The following DEUP1 variants were observed in gnomAD, a reference collection of about 807,000 sequenced individuals.
DEUP1 encodes coiled-coil domain containing 67.
In DEUP1, 82 loss-of-function variants were observed where a neutral mutation model predicts 87.4. The ratio of observed to expected loss-of-function variants is 0.94; its 90% CI spans 0.78 to 1.13. DEUP1 has a LOEUF of 1.13. Among genes scored for constraint, DEUP1 ranks in the 50% most tolerant of loss-of-function variants. The probability of loss-of-function intolerance (pLI) is 0.00; values close to 1 mark genes in which losing one functional copy is unlikely to be tolerated. For missense variants in DEUP1, 663 were observed against 681.5 expected (o/e 0.97, Z 0.30); for synonymous variants, 214 against 222.7 (o/e 0.96, Z 0.35).
intron 11 of DEUP1, among the ~76,000 whole-genome samples, chr11:93,400,590 G>C (rs926192410): frequency 2.6e-5 from 4 of 152,114 alleles, no homozygotes; most frequent in Admixed American, 2.6e-4. Context: ...GTCACATTCT[G>C]AGGTACCGAG....
In DEUP1 at chr11:93,356,925, A is replaced by C. The variant is rs201788305; in HGVS notation, c.202-23A>C. 1.2e-5 allele frequency: 18 copies of C among 1,521,372 alleles called. No individual in the cohort carries two copies. The African/African-American group carries it at 2.4e-4, about 20-fold the overall frequency. 94.2% of individuals were successfully genotyped at this position (1,521,372 alleles called of 1,614,324 possible). ...TCAGGCAAAATTTAGAAAAAGCAAA[A>C]TTAAATTTTATTCTTCATGCAGGTA... On this transcript the variant is annotated intron_variant, in intron 3 of 13. Coordinates refer to ENST00000298050, the MANE Select transcript of DEUP1 (RefSeq NM_181645.4).
At position 93,357,124 on chromosome 11, in the gene DEUP1, G is replaced by C. The variant is rs78396520; in HGVS notation, c.297+81G>C. The C allele has an allele frequency of 1.6e-3, 1,296 of 816,952 alleles. 11 individuals are homozygous for C. The African/African-American group carries it at 0.02, about 13-fold the overall frequency. The allele number at this position is 816,952 out of a possible 1,614,324, so 50.6% of individuals were successfully genotyped here. ...TGTAGAGTTGTGTTAACTTTAAACT[G>C]TTTTCAGTATAAACAAATGTCTTGT... On this transcript the variant is annotated intron_variant, in intron 4 of 13. Transcript: ENST00000298050.
rs774199925 is a variant in DEUP1, at chr11:93,408,230, G to C, written c.1327-1G>C. 4.3e-5 allele frequency: 67 copies of C among 1,549,444 alleles called. No individual in the cohort carries two copies. Among genetic ancestry groups the C allele is most frequent in the Non-Finnish European group, 5.4e-5 (62 of 1,146,954 alleles). ...CAATGATAGTTTATTTTATTCTCTA[G>C]AGTATGGACTTCACTAACAGGGAAC... On this transcript the variant is annotated splice_acceptor_variant, in intron 11 of 13. Transcript: ENST00000298050. LOFTEE classifies it high-confidence loss of function.
intron 2 of DEUP1, among the ~76,000 whole-genome samples, chr11:93,348,261 T>G (rs1203913824): frequency 6.6e-6 from 1 of 152,214 alleles, no homozygotes; most frequent in Non-Finnish European, 1.5e-5. Context: ...TAGCTGTTTT[T>G]TTATTCATTT....
intron 2 of DEUP1, among the ~76,000 whole-genome samples, chr11:93,336,214 G>A (rs1591071488): frequency 6.6e-6 from 1 of 152,266 alleles, no homozygotes; most frequent in East Asian, 1.9e-4. Context: ...GAGGAAGGAG[G>A]CATGTTTTAT....
rs1310118003 is a variant in DEUP1, at chr11:93,415,100, G to A, written c.1624G>A (p.Asp542Asn). The change falls in exon 13 of 14, where the codon GAT becomes AAT. Residue 542 changes from aspartate (D) to asparagine (N), a missense_variant. Physicochemically the swap from Asp to Asn is conservative, Grantham distance 23 (BLOSUM62 1). Coordinates refer to ENST00000298050, the MANE Select transcript of DEUP1 (RefSeq NM_181645.4). ...GACAAGTCCTTTGGTTAGTGATGATGATGTATTCCCACTGGTGAGTTGCTG... is the reference window on the plus strand; with the variant it reads ...GACAAGTCCTTTGGTTAGTGATGATAATGTATTCCCACTGGTGAGTTGCTG... ...EMTSPLVSDD[D>N]VFPLSPPDMS... 6 of 1,609,158 alleles carry A rather than the reference G, an allele frequency of 3.7e-6. No individual in the cohort carries two copies. The African/African-American group carries it at 6.7e-5, about 18-fold the overall frequency.
intron 12 of DEUP1, among the ~76,000 whole-genome samples, chr11:93,409,139 G>A (rs1006912689): frequency 6.6e-6 from 1 of 152,160 alleles, no homozygotes; most frequent in Non-Finnish European, 1.5e-5. Flanking sequence ...TTACAGGCGT[G>A]AGCCACCACA....
intron 7 of DEUP1, among the ~76,000 whole-genome samples, chr11:93,380,433 C>G (rs781559709): frequency 1.3e-5 from 2 of 152,000 alleles, no homozygotes; most frequent in South Asian, 2.1e-4. Context: ...CGGAGACTGG[C>G]TCTGTTGCCC....
At chr11:93,417,734 G>A (rs1028639541) in intron 13 of DEUP1, among the ~76,000 whole-genome samples, 5 of 149,646 alleles carry the variant, frequency 3.3e-5, no homozygotes, top group Non-Finnish European at 5.9e-5. Flanking sequence ...TCAATCCTAA[G>A]CCAAAAGAAC....
At chr11:93,395,376 C>T (rs1946909474) in intron 10 of DEUP1, among the ~76,000 whole-genome samples, 1 of 152,164 alleles carries the variant, frequency 6.6e-6, no homozygotes, top group South Asian at 2.1e-4. Flanking sequence ...ATGAGGGTCA[C>T]TTCACAAATA....
rs766943116 is a variant in DEUP1 at position 93,371,212 on chromosome 11, A to G, written c.721A>G (p.Arg241Gly). ...KSAVNEIALS[R>G]NKLQDENQKL... The stretch of plus-strand genomic sequence containing the variant: ...AGCTGTAAATGAGATAGCACTAAGC[A>G]GGAATAAATTACAAGATGAAAATCA... The change falls in exon 7 of 14, where the codon AGG (arginine) becomes GGG (glycine). Residue 241 changes from arginine (R) to glycine (G), a missense_variant. Arg to Gly is a moderately radical substitution (Grantham distance 125). Transcript: ENST00000298050. 6.2e-7 allele frequency: 1 copy of G among 1,613,342 alleles called. No individual in the cohort carries two copies. Among genetic ancestry groups the G allele is most frequent in the Non-Finnish European group, 8.5e-7 (1 of 1,179,566 alleles).
At chr11:93,417,449 A>G (rs535465967) in intron 13 of DEUP1, among the ~76,000 whole-genome samples, 15 of 152,244 alleles carry the variant, frequency 9.9e-5, no homozygotes, top group Non-Finnish European at 2.9e-5. Flanking sequence ...AAGATAATAA[A>G]ATACCTAGGA....
At chr11:93,413,115 T>A (rs946182455) in intron 12 of DEUP1, among the ~76,000 whole-genome samples, 38 of 152,210 alleles carry the variant, frequency 2.5e-4, no homozygotes, top group Non-Finnish European at 5.4e-4. Context: ...AAAAATTTTT[T>A]AACTAGGTTA....
rs1357894497 is a variant in DEUP1, at chr11:93,371,141, G to A, written c.650G>A (p.Cys217Tyr). 6.2e-7 allele frequency: 1 copy of A among 1,613,172 alleles called. No homozygotes were observed. Among genetic ancestry groups the A allele is most frequent in the East Asian group, 2.2e-5 (1 of 44,812 alleles). ...PRLICDPDPN[C>Y]EINERDEFII... ...TTGATATGTGACCCAGATCCCAATTGTGAAATCAATGAAAGAGATGAGTTC... is the reference window on the plus strand; with the variant it reads ...TTGATATGTGACCCAGATCCCAATTATGAAATCAATGAAAGAGATGAGTTC... Residue 217 changes from cysteine (C) to tyrosine (Y), a missense_variant, in exon 7 of 14, where the codon TGT (cysteine) becomes TAT (tyrosine). Physicochemically the swap from Cys to Tyr is radical, Grantham distance 194 (BLOSUM62 -2). Coordinates refer to ENST00000298050, the MANE Select transcript of DEUP1 (RefSeq NM_181645.4).
intron 5 of DEUP1, among the ~76,000 whole-genome samples, chr11:93,368,388 C>T (rs1945527865): frequency 6.6e-6 from 1 of 152,200 alleles, no homozygotes; most frequent in Non-Finnish European, 1.5e-5. Context: ...TAATGAACTA[C>T]CTGAGACTGG....
At chr11:93,358,345 C>CCA (rs1944996325) in intron 4 of DEUP1, among the ~76,000 whole-genome samples, 2 of 152,224 alleles carry the variant, frequency 1.3e-5, no homozygotes, top group Non-Finnish European at 2.9e-5. Context: ...GTTTTCAGTG[C>CCA]TAACCAAAAA....
At chr11:93,351,260 T>C (rs1591109114) in intron 2 of DEUP1, among the ~76,000 whole-genome samples, 1 of 152,020 alleles carries the variant, frequency 6.6e-6, no homozygotes, top group African/African-American at 2.4e-5. Flanking sequence ...ACAATATTGA[T>C]TGAGTAGATT....
rs796350154 is a variant in DEUP1, at chr11:93,380,943, A to C, written c.790-4455A>C. 1.8e-4 allele frequency among the ~76,000 whole-genome samples: 28 copies of C among 152,326 alleles called. 1 individual carries two copies. The highest frequency in any genetic ancestry group is 6.7e-4 in the African/African-American group (28 of 41,570). ...TTATGAAAAACAAAATCTGTTGTAG[A>C]ACTAATGAAAAGATTTTGAAAAGTA... On this transcript the variant is annotated intron_variant, in intron 7 of 13. Transcript: ENST00000298050.
intron 11 of DEUP1, among the ~76,000 whole-genome samples, chr11:93,398,724 T>A (rs1385331277): frequency 1.2e-5 from 1 of 86,856 alleles, no homozygotes; most frequent in Admixed American, 1.0e-4. Context: ...ATGTCAAATT[T>A]TTTTTTTTTT....
Sources: gnomAD v4.1 joint callset for allele counts (sites outside exome capture counted in the v4.1 genomes callset) on GRCh38, gnomAD v4.1.1 for gene constraint, MANE v1.5 for transcripts, NCBI Gene and HGNC (gene_info 2026-07-23, HGNC 2026-07-21) for gene names.